Variants in CHLSN observed in about 807,000 individuals in gnomAD.
CHLSN encodes cholesin, also known as protein cholesin.
chr7:1,050,510 T>C, the CHLSN span, among the ~76,000 whole-genome samples: 1 of 152,212 alleles, frequency 6.6e-6, no homozygotes, highest in African/African-American at 2.4e-5. Context: ...TGCCCCAGCT[T>C]CTCCAAGTCC....
chr7:1,092,991 G>GA, the CHLSN span: 3 of 833,070 alleles, frequency 3.6e-6, no homozygotes, highest in Non-Finnish European at 6.1e-6. Context: ...GCCTCGCGAG[G>GA]GTCACGCTTG....
chr7:1,021,534 C>A, the CHLSN span: 4 of 985,448 alleles, frequency 4.1e-6, no homozygotes, highest in Non-Finnish European at 4.8e-6. Flanking sequence ...GAGCACTGTC[C>A]ATCCACCGCA....
At chr7:984,047 G>C in the CHLSN span, among the ~76,000 whole-genome samples, 111 of 152,336 alleles carry the variant, frequency 7.3e-4, no homozygotes, top group African/African-American at 2.5e-3. Context: ...TCTGGGGGCC[G>C]AGCCTGTCAG....
At chr7:1,002,425 G>A in the CHLSN span, among the ~76,000 whole-genome samples, 1 of 123,008 alleles carries the variant, frequency 8.1e-6, no homozygotes, top group African/African-American at 3.2e-5. Context: ...GGGGAGTCCT[G>A]TGGGTGGGGA....
chr7:1,011,756 C>T, the CHLSN span, among the ~76,000 whole-genome samples: 4 of 151,946 alleles, frequency 2.6e-5, no homozygotes, highest in African/African-American at 9.7e-5. Flanking sequence ...TACACACACG[C>T]CAACACACCC....
the CHLSN span, among the ~76,000 whole-genome samples, chr7:1,064,208 G>A: frequency 3.9e-5 from 6 of 152,272 alleles, no homozygotes; most frequent in African/African-American, 1.4e-4. Context: ...GGCTTCACAC[G>A]CGTCGGCTGC....
the CHLSN span, among the ~76,000 whole-genome samples, chr7:995,837 G>A: frequency 3.9e-5 from 6 of 152,292 alleles, no homozygotes; most frequent in Non-Finnish European, 7.3e-5. Context: ...AGCAGGCCCT[G>A]TGTCGTGGGT....
At chr7:1,008,836 TACACACGCACACACGTAA>T in the CHLSN span, among the ~76,000 whole-genome samples, 4 of 107,716 alleles carry the variant, frequency 3.7e-5, no homozygotes, top group Admixed American at 9.4e-5. Context: ...ACAACGTGTA[TACACACGCACACACGTAA>T]ACACACGCAC....
At chr7:1,047,754 C>A in the CHLSN span, among the ~76,000 whole-genome samples, 1 of 152,224 alleles carries the variant, frequency 6.6e-6, no homozygotes, top group African/African-American at 2.4e-5. Context: ...TCTCTTTCCA[C>A]TCAAATCTAA....
At chr7:992,412 G>A in the CHLSN span, among the ~76,000 whole-genome samples, 3 of 152,234 alleles carry the variant, frequency 2.0e-5, no homozygotes, top group African/African-American at 7.2e-5. Flanking sequence ...AAGCTCGGAG[G>A]GTGAGGCCAT....
chr7:1,057,955 T>G, the CHLSN span: 1 of 772,504 alleles, frequency 1.3e-6, no homozygotes, highest in South Asian at 1.3e-5. Flanking sequence ...ACGCGGCACG[T>G]GTGCGGCTTC....
At chr7:1,019,959 C>T in the CHLSN span, among the ~76,000 whole-genome samples, 1 of 152,238 alleles carries the variant, frequency 6.6e-6, no homozygotes, top group Admixed American at 6.5e-5. Flanking sequence ...CACGGGGCAC[C>T]TGGACGAGGG....
chr7:1,072,026 G>A, the CHLSN span, among the ~76,000 whole-genome samples: 1 of 152,208 alleles, frequency 6.6e-6, no homozygotes, highest in Non-Finnish European at 1.5e-5. Flanking sequence ...AGCCACACAG[G>A]GGAAGAGCGG....
chr7:1,088,442 C>G, the CHLSN span: 1 of 151,864 alleles, frequency 6.6e-6, no homozygotes, highest in Non-Finnish European at 1.5e-5. The surrounding 1 kb of genome is among the most constrained non-coding windows in gnomAD (Gnocchi z 4.5). Context: ...ACCTCACCCC[C>G]TGGTGAGAGC....
At chr7:987,241 G>T in the CHLSN span, 1 of 1,526,772 alleles carries the variant, frequency 6.5e-7, no homozygotes. Flanking sequence ...ACCCGGACGT[G>T]CAGGGTGAGA....
the CHLSN span, among the ~76,000 whole-genome samples, chr7:991,522 G>A: frequency 6.6e-6 from 1 of 152,172 alleles, no homozygotes; most frequent in African/African-American, 2.4e-5. Context: ...AACCCCGGAG[G>A]TGCCACCTTC....
At chr7:1,010,092 C>T in the CHLSN span, 2 of 1,612,934 alleles carry the variant, frequency 1.2e-6, no homozygotes, top group Non-Finnish European at 1.7e-6. Context: ...CTCTGCTCCT[C>T]TGGGGACAGC....
the CHLSN span, among the ~76,000 whole-genome samples, chr7:1,123,335 C>T: frequency 0.04 from 6,057 of 152,304 alleles, 303 homozygotes; most frequent in African/African-American, 0.12. This position sits in a 1 kb window ranked among gnomAD's most constrained non-coding sequence, Gnocchi z 4.4. Flanking sequence ...AGAGGCTGCA[C>T]GGGGCCCCGG....
chr7:1,070,813 A>T, the CHLSN span, among the ~76,000 whole-genome samples: 1 of 89,722 alleles, frequency 1.1e-5, no homozygotes, highest in East Asian at 2.7e-4. Context: ...ATGCACACAC[A>T]TCCACACGTG....
Sources: gnomAD v4.1 joint callset for allele counts (sites outside exome capture counted in the v4.1 genomes callset) on GRCh38, gnomAD v4.1.1 for gene constraint, Gnocchi (gnomAD v3.1) non-coding constraint, MANE v1.5 for transcripts, NCBI Gene and HGNC (gene_info 2026-07-23, HGNC 2026-07-21) for gene names.